Variants in STIM1 observed in about 807,000 individuals in gnomAD.
STIM1 encodes stromal interaction molecule 1.
A neutral mutation model predicts 74.7 loss-of-function variants in STIM1; 25 were observed. That is an observed-to-expected ratio of 0.33 (90% CI 0.24 to 0.47). STIM1 has a LOEUF of 0.47. Among genes scored for constraint, STIM1 ranks in the 20% least tolerant of loss-of-function variants. The probability of loss-of-function intolerance (pLI) is 1.00; values close to 1 mark genes in which losing one functional copy is unlikely to be tolerated. For missense variants in STIM1, 728 were observed against 920.8 expected, an observed-to-expected ratio of 0.79 and a Z score of 2.71; for synonymous variants, 328 against 348.8, an observed-to-expected ratio of 0.94 and a Z score of 0.66.
intron 1 of STIM1, among the ~76,000 whole-genome samples, chr11:3,903,226 G>A (rs111981867): frequency 4.7e-4 from 71 of 152,224 alleles, no homozygotes; most frequent in African/African-American, 9.9e-4. Context: ...GGTGGGATTC[G>A]GGCCCAGGTA....
At chr11:4,069,520 A>G (rs2094390330) in intron 5 of STIM1, among the ~76,000 whole-genome samples, 1 of 152,202 alleles carries the variant, frequency 6.6e-6, no homozygotes, top group Admixed American at 6.5e-5. Context: ...TGTGCCAAGA[A>G]TGGCCTGGTA....
At chr11:4,052,205 C>T (rs1445865891) in intron 3 of STIM1, among the ~76,000 whole-genome samples, 4 of 152,130 alleles carry the variant, frequency 2.6e-5, no homozygotes, top group Non-Finnish European at 5.9e-5. Context: ...AGATTCAGTG[C>T]CATGCCCATC....
chr11:4,066,503 G>T (rs1209709683), intron 5 of STIM1, among the ~76,000 whole-genome samples: 1 of 152,002 alleles, frequency 6.6e-6, no homozygotes, highest in Non-Finnish European at 1.5e-5. Context: ...AATAAACCTT[G>T]TGCCCTGGCC....
intron 2 of STIM1, among the ~76,000 whole-genome samples, chr11:4,006,981 T>C (rs2093788483): frequency 6.6e-6 from 1 of 152,174 alleles, no homozygotes; most frequent in African/African-American, 2.4e-5. Flanking sequence ...GTGAATTCTC[T>C]TCTCTGGTGG....
intron 1 of STIM1, chr11:3,892,542 T>C: frequency 1.3e-6 from 2 of 1,598,158 alleles, no homozygotes; most frequent in Non-Finnish European, 1.7e-6. Context: ...GTCTTGGCAG[T>C]GCAGATGAAA....
At chr11:3,958,950 T>TAA (rs372506065) in intron 1 of STIM1, among the ~76,000 whole-genome samples, 140 of 134,700 alleles carry the variant, frequency 1.0e-3, no homozygotes, top group East Asian at 4.9e-3. Context: ...AAACTCTGTC[T>TAA]AAAAAAAAAA....
In STIM1 at chr11:3,904,877, A is replaced by T. The variant is rs536269582; in HGVS notation, c.139+48468A>T. Among the ~76,000 whole-genome samples, 5 of 152,274 alleles carry T rather than the reference A, an allele frequency of 3.3e-5. No homozygotes were observed. In the South Asian group the frequency reaches 8.3e-4, roughly 25 times the overall value. On this transcript the variant is annotated intron_variant, in intron 1 of 12. Coordinates refer to ENST00000526596, the MANE Select transcript of STIM1 (RefSeq NM_001382567.1). ...GAAGACATGAGTTTTGGAGTTCCTG[A>T]GAGAGGTAGGAATAGACATGAGAGA...
At chr11:4,014,209 A>T (rs936408098) in intron 2 of STIM1, among the ~76,000 whole-genome samples, 1 of 152,166 alleles carries the variant, frequency 6.6e-6, no homozygotes, top group Non-Finnish European at 1.5e-5. Context: ...TTCCCTCTAC[A>T]CACTGTTTTA....
chr11:3,910,900 C>T (rs543299260), intron 1 of STIM1, among the ~76,000 whole-genome samples: 109 of 152,116 alleles, frequency 7.2e-4, no homozygotes, highest in African/African-American at 2.5e-3. Flanking sequence ...GCAGGAGAAT[C>T]GCTTGAATCC....
At chr11:3,930,042 A>G (rs550383442) in intron 1 of STIM1, among the ~76,000 whole-genome samples, 9 of 152,182 alleles carry the variant, frequency 5.9e-5, no homozygotes, top group Non-Finnish European at 1.3e-4. Flanking sequence ...ATGCAGGCCC[A>G]GGTGTATATA....
At chr11:3,865,193 A>G (rs1198434375) in intron 1 of STIM1, among the ~76,000 whole-genome samples, 1 of 152,178 alleles carries the variant, frequency 6.6e-6, no homozygotes, top group African/African-American at 2.4e-5. Flanking sequence ...CTAGGACTGA[A>G]ATCCTAGTAT....
intron 4 of STIM1, 53 bp downstream of exon 4, chr11:4,055,690 G>A: frequency 2.1e-6 from 3 of 1,402,696 alleles, no homozygotes; most frequent in Non-Finnish European, 3.0e-6. Context: ...ATGGGCTGGA[G>A]TGGGCCTGCC....
At chr11:3,920,025 C>T (rs1025578586) in intron 1 of STIM1, among the ~76,000 whole-genome samples, 5 of 151,966 alleles carry the variant, frequency 3.3e-5, no homozygotes, top group African/African-American at 4.8e-5. Flanking sequence ...CTGCAGTAAG[C>T]TATGATTGCG....
chr11:4,086,709 TACCACC>T, intron 12 of STIM1, 166 bp downstream of exon 12: 5 of 1,538,304 alleles, frequency 3.3e-6, no homozygotes, highest in East Asian at 2.4e-5. Context: ...CCATCACCAC[TACCACC>T]ACCACCACCA....
intron 1 of STIM1, among the ~76,000 whole-genome samples, chr11:3,901,295 T>G (rs1447862507): frequency 2.6e-5 from 4 of 152,230 alleles, no homozygotes; most frequent in Non-Finnish European, 5.9e-5. Flanking sequence ...TAGGAGGCTT[T>G]AATATGATAA....
At chr11:3,905,742 G>A (rs1002875297) in intron 1 of STIM1, among the ~76,000 whole-genome samples, 2 of 152,216 alleles carry the variant, frequency 1.3e-5, no homozygotes, top group Admixed American at 1.3e-4. Flanking sequence ...AGTTAGTGGT[G>A]GAGCCAGTTT....
At chr11:3,877,433 G>C (rs2091341259) in intron 1 of STIM1, among the ~76,000 whole-genome samples, 1 of 152,158 alleles carries the variant, frequency 6.6e-6, no homozygotes, top group Admixed American at 6.5e-5. Flanking sequence ...AGAAGAAGCA[G>C]CTTTCAGTGG....
chr11:4,054,585 G>A (rs1385421412), intron 3 of STIM1, among the ~76,000 whole-genome samples: 1 of 152,160 alleles, frequency 6.6e-6, no homozygotes, highest in Non-Finnish European at 1.5e-5. Context: ...GAGGGATCTA[G>A]GTTACGTGCT....
At chr11:3,973,282 G>A (rs1039401090) in intron 2 of STIM1, 54 of 479,258 alleles carry the variant, frequency 1.1e-4, no homozygotes, top group South Asian at 6.3e-5. Flanking sequence ...CCACCTCCAC[G>A]ACCATCACCA....
Sources: allele counts gnomAD v4.1 joint callset (sites outside exome capture counted in the v4.1 genomes callset), GRCh38; gene constraint gnomAD v4.1.1; transcripts MANE v1.5; gene names NCBI Gene and HGNC (gene_info 2026-07-23, HGNC 2026-07-21).